The following TM9SF4 variants were observed in gnomAD, a reference collection of about 807,000 sequenced individuals.
TM9SF4 encodes transmembrane 9 superfamily member 4.
In TM9SF4, 26 loss-of-function variants were observed where a neutral mutation model predicts 90.4. The observed-to-expected ratio is 0.29, with a 90% CI of 0.21 to 0.40. The LOEUF (loss-of-function observed/expected upper bound fraction) is 0.40. Ranked by LOEUF, TM9SF4 falls within the 10% of genes least tolerant of loss-of-function variation. The pLI, the probability that TM9SF4 is intolerant of heterozygous loss-of-function variation, is 1.00. For missense variants in TM9SF4, 549 were observed against 834.8 expected (o/e 0.66, Z 4.22); for synonymous variants, 293 against 315.4 (o/e 0.93, Z 0.75).
chr20:32,112,701 A>AC lies in TM9SF4; in HGVS notation c.15+2946_15+2947insC, dbSNP rs991001281. Among the ~76,000 whole-genome samples the AC allele has an allele frequency of 1.6e-4, 24 of 151,456 alleles. 1 individual carries two copies. Among genetic ancestry groups the AC allele is most frequent in the Admixed American group, 1.4e-3 (22 of 15,232 alleles). On this transcript the variant is annotated intron_variant, in intron 1 of 17. Coordinates refer to ENST00000398022, the MANE Select transcript of TM9SF4 (RefSeq NM_014742.4). ...AGAGTGAGACCCTATCTCAAAAAAA[A>AC]AAAAAAAACAAAAAACAAAACACAC...
chr20:32,137,628 A>T (rs1234247799), intron 3 of TM9SF4, among the ~76,000 whole-genome samples: 2 of 152,202 alleles, frequency 1.3e-5, no homozygotes, highest in Non-Finnish European at 2.9e-5. Context: ...TGCCTGACAC[A>T]TAGTAGGCAT....
chr20:32,154,573 C>T (rs1007636182), intron 12 of TM9SF4, among the ~76,000 whole-genome samples: 7 of 152,196 alleles, frequency 4.6e-5, no homozygotes, highest in Non-Finnish European at 1.0e-4. Flanking sequence ...CCAGCCTCAG[C>T]CTCCCGAGTA....
In TM9SF4 at chr20:32,165,459, G is replaced by A. The variant is rs752692033; in HGVS notation, c.*15G>A. Reference sequence around the variant, plus strand: ...AGATAGACTGATTGGAGTGGACCACGGCCAAGCTTGCTCCGTCCTCGGACA... The same window carrying A: ...AGATAGACTGATTGGAGTGGACCACAGCCAAGCTTGCTCCGTCCTCGGACA... On this transcript the variant is annotated 3_prime_UTR_variant, in exon 18 of 18. Transcript: ENST00000398022. The A allele has an allele frequency of 2.3e-5, 37 of 1,613,370 alleles. No homozygotes were observed. The highest frequency in any genetic ancestry group is 1.2e-4 in the Admixed American group (7 of 59,984).
chr20:32,135,764 T>C (rs1307655553), intron 2 of TM9SF4, among the ~76,000 whole-genome samples: 1 of 152,226 alleles, frequency 6.6e-6, no homozygotes. Flanking sequence ...AAATGCTTTT[T>C]TTCCTTATTT....
At chr20:32,144,551 T>C (rs915126920) in intron 6 of TM9SF4, among the ~76,000 whole-genome samples, 4 of 152,160 alleles carry the variant, frequency 2.6e-5, no homozygotes, top group Non-Finnish European at 5.9e-5. Flanking sequence ...CCTTCCCCCA[T>C]GCACAGGCCT....
intron 17 of TM9SF4, among the ~76,000 whole-genome samples, chr20:32,162,591 CCTCT>C (rs1011055701): frequency 1.7e-4 from 26 of 152,108 alleles, no homozygotes; most frequent in African/African-American, 6.3e-4. Context: ...ACAATCTGGC[CCTCT>C]AAGTAAAAGA....
chr20:32,122,306 AC>A (rs564766085), intron 1 of TM9SF4, among the ~76,000 whole-genome samples: 60 of 89,734 alleles, frequency 6.7e-4, no homozygotes, highest in African/African-American at 2.2e-3. Context: ...CGGGGGGCTG[AC>A]CCCCCCCACC....
At position 32,120,918 on chromosome 20, in the gene TM9SF4, G is replaced by T. The variant is rs140476685; in HGVS notation, c.15+11163G>T. On this transcript the variant is annotated intron_variant, in intron 1 of 17. Transcript: ENST00000398022. ...TCATATGATTTTTGTCCTTTATTCTGTTTATCTGGTGTATTATATTAATTG... is the reference window on the plus strand; with the variant it reads ...TCATATGATTTTTGTCCTTTATTCTTTTTATCTGGTGTATTATATTAATTG... 6.2e-4 allele frequency among the ~76,000 whole-genome samples: 95 copies of T among 152,122 alleles called. 2 individuals carry two copies. The East Asian group carries it at 0.017, about 27-fold the overall frequency.
chr20:32,156,852 C>G (rs1165507355), intron 13 of TM9SF4, among the ~76,000 whole-genome samples: 1 of 152,138 alleles, frequency 6.6e-6, no homozygotes, highest in Non-Finnish European at 1.5e-5. Flanking sequence ...AGTGATCTGC[C>G]CACCTAGGCC....
intron 16 of TM9SF4, 143 bp from the exon 17 acceptor site, chr20:32,161,133 A>G (rs2047012327): frequency 1.5e-6 from 1 of 661,318 alleles, no homozygotes; most frequent in Non-Finnish European, 2.7e-6. Flanking sequence ...TGGAACCACC[A>G]TCACAGTCAA....
At chr20:32,118,719 T>C (rs1172124854) in intron 1 of TM9SF4, among the ~76,000 whole-genome samples, 3 of 152,078 alleles carry the variant, frequency 2.0e-5, no homozygotes, top group Non-Finnish European at 2.9e-5. Context: ...CACTGCAACC[T>C]CCACCTCCCA....
chr20:32,140,186 GTTAA>G (rs2046651802), intron 3 of TM9SF4, among the ~76,000 whole-genome samples: 3 of 152,236 alleles, frequency 2.0e-5, no homozygotes, highest in Non-Finnish European at 2.9e-5. Flanking sequence ...ATGTGGAGGT[GTTAA>G]TTAGTCTTCA....
Position 32,156,016 on chromosome 20 carries a change from AT to A in TM9SF4, c.1329+834del, listed in dbSNP as rs778523927. Among the ~76,000 whole-genome samples, 19 of 152,196 alleles carry A rather than the reference AT, an allele frequency of 1.2e-4. 2 individuals carry two copies. Among genetic ancestry groups the A allele is most frequent in the Admixed American group, 1.0e-3 (16 of 15,282 alleles). ...CTCATTATAAACATTCACTGTAGAA[AT>A]TTTGGAAAGTGCAGAGAAGTTAAAG... On this transcript the variant is annotated intron_variant, in intron 13 of 17. Transcript: ENST00000398022.
At chr20:32,124,381 AGTT>A (rs1370101609) in intron 1 of TM9SF4, among the ~76,000 whole-genome samples, 3 of 152,184 alleles carry the variant, frequency 2.0e-5, no homozygotes, top group Admixed American at 6.5e-5. Flanking sequence ...GTGGCAGTAC[AGTT>A]CTTCTTGAAC....
chr20:32,149,729 A>C lies in TM9SF4; in HGVS notation c.1050A>C (p.Ser350=), dbSNP rs2046814833. ...TGATCCTCAGCTCCCTGCTGGGCTC[A>C]GGCATTCAGCTGTTCTGTATGATCC... The part of the protein sequence containing the change: ...YPMILSSLLG[S]GIQLFCMILI... The change falls in exon 10 of 18, where the codon TCA becomes TCC. Residue 350 remains serine (S), a synonymous_variant. Transcript: ENST00000398022. The C allele has an allele frequency of 6.2e-7, 1 of 1,614,090 alleles. No individual in the cohort carries two copies. Among genetic ancestry groups the C allele is most frequent in the South Asian group, 1.1e-5 (1 of 91,086 alleles).
At chr20:32,161,416 C>G (rs187888874) in intron 17 of TM9SF4, 51 bp downstream of exon 17, 28 of 1,564,714 alleles carry the variant, frequency 1.8e-5, no homozygotes, top group Non-Finnish European at 7.0e-6. Context: ...GTAGGAAGGT[C>G]AGGAGGAGGA....
chr20:32,151,807 G>A (rs937804645), intron 12 of TM9SF4, among the ~76,000 whole-genome samples: 6 of 151,752 alleles, frequency 4.0e-5, no homozygotes, highest in African/African-American at 9.7e-5. Flanking sequence ...TCAGCCTCCC[G>A]AGTAGCTGGG....
chr20:32,125,984 A>G (rs1341843962), intron 1 of TM9SF4, among the ~76,000 whole-genome samples: 1 of 151,522 alleles, frequency 6.6e-6, no homozygotes, highest in African/African-American at 2.4e-5. Context: ...TATTTCATTT[A>G]TCGTTATTAG....
At chr20:32,129,348 C>G (rs560030930) in intron 1 of TM9SF4, among the ~76,000 whole-genome samples, 1 of 151,906 alleles carries the variant, frequency 6.6e-6, no homozygotes, top group East Asian at 1.9e-4. Flanking sequence ...AAAAAAATTG[C>G]GGTGCATGGT....
Sources: gnomAD v4.1 joint callset for allele counts (sites outside exome capture counted in the v4.1 genomes callset) on GRCh38, gnomAD v4.1.1 for gene constraint, MANE v1.5 for transcripts, NCBI Gene and HGNC (gene_info 2026-07-23, HGNC 2026-07-21) for gene names.